Variants in SLC6A16 observed in about 807,000 individuals in gnomAD.
SLC6A16 encodes the protein orphan sodium- and chloride-dependent neurotransmitter transporter NTT5.
SLC6A16 carries 54 observed loss-of-function variants against 65.4 expected under a neutral mutation model. The observed-to-expected ratio is 0.83, with a 90% CI of 0.66 to 1.04. The LOEUF is 1.04. SLC6A16 is among the 50% of genes least tolerant of loss of function. The pLI, the probability that SLC6A16 is intolerant of heterozygous loss-of-function variation, is 0.00. For synonymous variants in SLC6A16, 330 were observed against 346.5 expected, an observed-to-expected ratio of 0.95 and a Z score of 0.53; for missense variants, 816 against 914.0, an observed-to-expected ratio of 0.89 and a Z score of 1.38.
upstream of SLC6A16, among the ~76,000 whole-genome samples, chr19:49,325,462 A>C (rs538505946): frequency 4.9e-4 from 74 of 152,282 alleles, no homozygotes; most frequent in South Asian, 0.013. Flanking sequence ...CTTCCACTTC[A>C]TGTAAGGAAG....
chr19:49,304,593 C>A (rs1295048769), intron 7 of SLC6A16, among the ~76,000 whole-genome samples: 2 of 152,018 alleles, frequency 1.3e-5, no homozygotes, highest in South Asian at 4.1e-4. Flanking sequence ...TGGAGAAACC[C>A]CGTCTCTACT....
In SLC6A16 at chr19:49,290,154, T is replaced by C; in HGVS notation, c.2180A>G (p.Lys727Arg). The change falls in exon 12 of 12, where the codon AAG (lysine) becomes AGG (arginine). Residue 727 changes from lysine to arginine, a missense_variant. Coordinates refer to ENST00000335875, the MANE Select transcript of SLC6A16 (RefSeq NM_014037.3). ...KEEILQVDET[K>R]YPSTCNVTS The stretch of plus-strand genomic sequence containing the variant: ...AGTCACATTACAAGTTGATGGGTAC[T>C]TTGTTTCATCAACTTGTAGAATTTC... The C allele has an allele frequency of 6.2e-7, 1 of 1,614,168 alleles. No individual in the cohort carries two copies.
rs1444597509 is a variant in SLC6A16 at position 49,302,489 on chromosome 19, A to G, written c.1229+6387T>C. ...GTTGGCACTCTGTGCCACTGGACCC[A>G]GTGCCAGAGAGCACCACTCTTCTCC... On this transcript the variant is annotated intron_variant, in intron 7 of 11. Transcript: ENST00000335875. Among the ~76,000 whole-genome samples the G allele has an allele frequency of 7.9e-5, 12 of 152,302 alleles. No homozygotes were observed. In the East Asian group the frequency reaches 2.1e-3, roughly 27 times the overall value.
At chr19:49,303,624 C>T (rs1970328309) in intron 7 of SLC6A16, among the ~76,000 whole-genome samples, 1 of 146,930 alleles carries the variant, frequency 6.8e-6, no homozygotes, top group Admixed American at 6.9e-5. Context: ...CACTGCACTC[C>T]AGCCTGAGTG....
intron 1 of SLC6A16, among the ~76,000 whole-genome samples, chr19:49,319,853 T>C (rs928779171): frequency 6.6e-6 from 1 of 152,134 alleles, no homozygotes; most frequent in Non-Finnish European, 1.5e-5. Context: ...ATTAGAATGA[T>C]AAATATCATA....
chr19:49,340,298 C>T, the SLC6A16 span: 12 of 1,613,818 alleles, frequency 7.4e-6, no homozygotes, highest in Admixed American at 2.0e-4. Context: ...ACCTGGACCA[C>T]GTCTACAACC....
chr19:49,310,296 G>C lies in SLC6A16; in HGVS notation c.573+57C>G, dbSNP rs933529927. The C allele has an allele frequency of 4.4e-6, 7 of 1,606,798 alleles. No individual in the cohort carries two copies. In the African/African-American group the frequency reaches 8.0e-5, roughly 18 times the overall value. On this transcript the variant is annotated intron_variant, in intron 3 of 11. Transcript: ENST00000335875. The stretch of plus-strand genomic sequence containing the variant: ...ATTCACAGGGCGCATTTCAGGAGGA[G>C]GGTTGGGATGGCGGTGGGGTGTAAA...
chr19:49,309,195 G>A, intron 6 of SLC6A16, 78 bp from the exon 7 acceptor site: 1 of 1,593,198 alleles, frequency 6.3e-7, no homozygotes, highest in South Asian at 1.1e-5. Context: ...GTTGCAGGGA[G>A]GAGAGAGGGA....
the SLC6A16 span, chr19:49,337,538 C>G: frequency 1.1e-6 from 1 of 931,744 alleles, no homozygotes; most frequent in Non-Finnish European, 1.5e-6. Flanking sequence ...GGGAGGATCA[C>G]TTGAGCCAGG....
At chr19:49,298,305 T>C (rs1363222391) in intron 7 of SLC6A16, among the ~76,000 whole-genome samples, 2 of 151,974 alleles carry the variant, frequency 1.3e-5, no homozygotes, top group East Asian at 3.9e-4. Flanking sequence ...CAAAAGAAAC[T>C]CAACATGAAG....
At chr19:49,310,327 G>T in intron 3 of SLC6A16, 26 bp downstream of exon 3, 1 of 1,613,032 alleles carries the variant, frequency 6.2e-7, no homozygotes, top group Non-Finnish European at 8.5e-7. Context: ...GTAAAAGTCA[G>T]GCCTGGGCAG....
intron 2 of SLC6A16, 135 bp from the exon 3 acceptor site, chr19:49,310,645 C>T (rs967321940): frequency 4.2e-6 from 4 of 952,256 alleles, no homozygotes; most frequent in Non-Finnish European, 1.6e-6. Flanking sequence ...CCCATGTCTA[C>T]ATCCCTCACG....
chr19:49,336,860 CCTGGAGCTGT>C, the SLC6A16 span: 1 of 1,602,672 alleles, frequency 6.2e-7, no homozygotes, highest in Non-Finnish European at 8.5e-7. Context: ...AATGGGGCTG[CCTGGAGCTGT>C]GCCACACAGC....
Position 49,311,141 on chromosome 19 carries a change from A to G in SLC6A16, c.207T>C (p.Ile69=). 6.2e-7 allele frequency: 1 copy of G among 1,614,078 alleles called. No homozygotes were observed. The change falls in exon 2 of 12, where the codon ATT becomes ATC. Residue 69 remains isoleucine (I), a synonymous_variant. Transcript: ENST00000335875. The stretch of plus-strand genomic sequence containing the variant: ...AGGCAGTTAACGCCTCCAATACAGA[A>G]ATTTGCTTGGGCTGACTGGTCCTGG... ...AQARTSQPKQ[I]SVLEALTASA...
chr19:49,338,631 C>T, the SLC6A16 span: 10 of 1,182,002 alleles, frequency 8.5e-6, no homozygotes, highest in African/African-American at 1.5e-4. This position sits in a 1 kb window ranked among gnomAD's most constrained non-coding sequence, Gnocchi z 5.0. Flanking sequence ...ATACCCATCA[C>T]CTTGTCCCCT....
In SLC6A16 at chr19:49,312,546, C is replaced by T. The variant is rs1270728385; in HGVS notation, c.-64-1135G>A. ...TAGGGCTATTCTCCTCCTTATTCTCCAAGTTCCCGCCACTCTGAACTTCTG... is the reference window on the plus strand; with the variant it reads ...TAGGGCTATTCTCCTCCTTATTCTCTAAGTTCCCGCCACTCTGAACTTCTG... On this transcript the variant is annotated intron_variant, in intron 1 of 11. Transcript: ENST00000335875. 48 of 984,752 alleles carry T rather than the reference C, an allele frequency of 4.9e-5. No individual in the cohort carries two copies. The Admixed American group carries it at 1.0e-3, about 21-fold the overall frequency. 61.0% of individuals were successfully genotyped at this position (984,752 alleles called of 1,614,324 possible). A position where few individuals can be genotyped will look rare whatever the true frequency, so the allele number is the denominator to read the frequency against.
At chr19:49,339,680 T>C in the SLC6A16 span, 12 of 1,422,592 alleles carry the variant, frequency 8.4e-6, no homozygotes, top group East Asian at 2.8e-4. The surrounding 1 kb of genome is among the most constrained non-coding windows in gnomAD (Gnocchi z 4.5). Context: ...GTGCTGAGCG[T>C]ACAGCTACAG....
chr19:49,310,254 A>C, intron 3 of SLC6A16, 88 bp from the exon 4 acceptor site: 1 of 1,604,576 alleles, frequency 6.2e-7, no homozygotes. Flanking sequence ...AACCAAAGGG[A>C]TCTGACCCAT....
intron 9 of SLC6A16, 54 bp from the exon 10 acceptor site, chr19:49,293,436 G>A: frequency 6.4e-7 from 1 of 1,572,592 alleles, no homozygotes; most frequent in Middle Eastern, 1.7e-4. Context: ...TGGGTGACAA[G>A]GGCTAAGTAG....
Sources: gnomAD v4.1 joint callset for allele counts (sites outside exome capture counted in the v4.1 genomes callset) on GRCh38, gnomAD v4.1.1 for gene constraint, Gnocchi (gnomAD v3.1) non-coding constraint, MANE v1.5 for transcripts, NCBI Gene and HGNC (gene_info 2026-07-23, HGNC 2026-07-21) for gene names.